MGMT: variants seen among roughly 807,000 people sequenced by gnomAD.
MGMT encodes the protein O-6-methylguanine-DNA methyltransferase.
Under a neutral mutation model 15.9 loss-of-function variants are expected in MGMT, and 14 were observed. The ratio of observed to expected loss-of-function variants is 0.88; its 90% CI spans 0.58 to 1.37. MGMT has a LOEUF of 1.37. Ranked by LOEUF, MGMT falls within the 40% of genes most tolerant of loss-of-function variation. The probability of loss-of-function intolerance (pLI) is 0.00; values close to 1 mark genes in which losing one functional copy is unlikely to be tolerated. For missense variants in MGMT, 282 were observed against 268.1 expected, an observed-to-expected ratio of 1.05 and a Z score of -0.36; for synonymous variants, 130 against 118.2, an observed-to-expected ratio of 1.10 and a Z score of -0.65.
chr10:129,712,885 G>A (rs148209140), intron 3 of MGMT, among the ~76,000 whole-genome samples: 4 of 152,294 alleles, frequency 2.6e-5, no homozygotes, highest in African/African-American at 9.6e-5. Context: ...TGCCCAAGTA[G>A]ATGGCCTCCC....
chr10:129,624,520 C>T (rs1847124739), intron 2 of MGMT, among the ~76,000 whole-genome samples: 1 of 152,186 alleles, frequency 6.6e-6, no homozygotes, highest in Admixed American at 6.5e-5. Context: ...AGATTGTAAT[C>T]TCTACATCCC....
chr10:129,529,986 G>C (rs1348499188), intron 1 of MGMT, among the ~76,000 whole-genome samples: 2 of 151,802 alleles, frequency 1.3e-5, no homozygotes, highest in African/African-American at 4.8e-5. Flanking sequence ...CTGCAGCCTC[G>C]ACCTCCTGGG....
chr10:129,765,258 CT>C (rs1368252474), intron 4 of MGMT, among the ~76,000 whole-genome samples: 53 of 152,188 alleles, frequency 3.5e-4, no homozygotes, highest in Non-Finnish European at 3.1e-4. Flanking sequence ...CCAGCCAATT[CT>C]TTCTTTAGAA....
intron 3 of MGMT, among the ~76,000 whole-genome samples, chr10:129,714,537 T>C (rs1414896930): frequency 1.3e-5 from 2 of 152,192 alleles, no homozygotes; most frequent in African/African-American, 4.8e-5. Context: ...TTTATAATAT[T>C]CTACCTATAA....
chr10:129,646,754 A>ATATATTTTTTTTTTTTTTTTTTTTTTT lies in MGMT; in HGVS notation c.126-61140_126-61139insATATTTTTTTTTTTTTTTTTTTTTTTT. On this transcript the variant is annotated intron_variant, in intron 2 of 4. Coordinates refer to ENST00000651593, the MANE Select transcript of MGMT (RefSeq NM_002412.5). Reference sequence around the variant, plus strand: ...TATATATATATATATATATATATATATTTTCAGGGAATGGTAGAGAACAGT... The same window carrying ATATATTTTTTTTTTTTTTTTTTTTTTT: ...TATATATATATATATATATATATATATATATTTTTTTTTTTTTTTTTTTTTTTTTTTCAGGGAATGGTAGAGAACAGT... Among the ~76,000 whole-genome samples, 4 of 86,674 alleles carry ATATATTTTTTTTTTTTTTTTTTTTTTT rather than the reference A, an allele frequency of 4.6e-5. 1 individual carries two copies. Among genetic ancestry groups the ATATATTTTTTTTTTTTTTTTTTTTTTT allele is most frequent in the Non-Finnish European group, 1.0e-4 (4 of 38,932 alleles). 56.9% of individuals were successfully genotyped at this position (86,674 alleles called of 152,430 possible).
At chr10:129,493,881 G>A (rs116879063) in intron 1 of MGMT, among the ~76,000 whole-genome samples, 1,542 of 152,274 alleles carry the variant, frequency 0.01, 14 homozygotes, top group Non-Finnish European at 0.015. Flanking sequence ...TAGACATCAC[G>A]TGCACACTTA....
chr10:129,609,578 A>C (rs1013926813), intron 2 of MGMT, among the ~76,000 whole-genome samples: 2 of 152,224 alleles, frequency 1.3e-5, no homozygotes. Context: ...GGCATAACCC[A>C]CTTCTTTGCA....
At chr10:129,678,759 T>C (rs1847814574) in intron 2 of MGMT, among the ~76,000 whole-genome samples, 1 of 151,914 alleles carries the variant, frequency 6.6e-6, no homozygotes, top group South Asian at 2.1e-4. Context: ...CCAGTGCATG[T>C]GGTGCTAAGC....
chr10:129,502,785 A>AT (rs60631849), intron 1 of MGMT, among the ~76,000 whole-genome samples: 15,854 of 151,208 alleles, frequency 0.1, 1,000 homozygotes, highest in East Asian at 0.29. Flanking sequence ...ATCAAGTTAC[A>AT]TTTTTTTTTG....
chr10:129,735,671 C>T (rs1167324146), intron 3 of MGMT, among the ~76,000 whole-genome samples: 1 of 115,664 alleles, frequency 8.6e-6, no homozygotes, highest in Non-Finnish European at 1.8e-5. Context: ...AATTTTGGAT[C>T]TTTCCTGCTT....
chr10:129,742,790 A>T (rs1211445754), intron 3 of MGMT, among the ~76,000 whole-genome samples: 1 of 129,060 alleles, frequency 7.7e-6, no homozygotes, highest in African/African-American at 3.0e-5. Flanking sequence ...AGTGCCTCAC[A>T]ACTGCAACGG....
intron 2 of MGMT, among the ~76,000 whole-genome samples, chr10:129,648,411 TAATTC>T (rs1371187592): frequency 2.6e-5 from 4 of 152,218 alleles, no homozygotes; most frequent in Admixed American, 2.0e-4. Context: ...AATGAACCCA[TAATTC>T]AATTTTCAGA....
chr10:129,524,409 C>G (rs150158642), intron 1 of MGMT, among the ~76,000 whole-genome samples: 1 of 152,252 alleles, frequency 6.6e-6, no homozygotes, highest in South Asian at 2.1e-4. Context: ...ATGCACCGTG[C>G]GTGTACACCT....
intron 4 of MGMT, among the ~76,000 whole-genome samples, chr10:129,760,975 C>T (rs148385565): frequency 4.6e-5 from 7 of 152,242 alleles, no homozygotes; most frequent in East Asian, 3.9e-4. Context: ...TTTTACGGCG[C>T]GTTGGGGGAT....
At chr10:129,707,611 A>G (rs984224279) in intron 2 of MGMT, among the ~76,000 whole-genome samples, 7 of 152,300 alleles carry the variant, frequency 4.6e-5, no homozygotes, top group African/African-American at 1.7e-4. Context: ...CAGCCGTGCC[A>G]TCTGTAAGTC....
At chr10:129,641,929 G>A (rs1589909994) in intron 2 of MGMT, among the ~76,000 whole-genome samples, 1 of 152,326 alleles carries the variant, frequency 6.6e-6, no homozygotes, top group African/African-American at 2.4e-5. Flanking sequence ...AATATTAGAA[G>A]CATGTTCAAG....
chr10:129,748,114 G>T (rs1195771164), intron 3 of MGMT, among the ~76,000 whole-genome samples: 1 of 152,170 alleles, frequency 6.6e-6, no homozygotes, highest in Non-Finnish European at 1.5e-5. Context: ...AGAAGTTGCT[G>T]TACCTAACAC....
At chr10:129,722,101 A>G (rs1404357439) in intron 3 of MGMT, among the ~76,000 whole-genome samples, 2 of 152,182 alleles carry the variant, frequency 1.3e-5, no homozygotes, top group East Asian at 1.9e-4. Flanking sequence ...ACAGAAAGAT[A>G]TAAGTAAAAT....
At chr10:129,612,235 C>T (rs911044648) in intron 2 of MGMT, among the ~76,000 whole-genome samples, 1 of 152,262 alleles carries the variant, frequency 6.6e-6, no homozygotes, top group Non-Finnish European at 1.5e-5. Flanking sequence ...GATGCAAGTT[C>T]TTATTTGTGG....
Sources: allele counts gnomAD v4.1 joint callset (sites outside exome capture counted in the v4.1 genomes callset), GRCh38; gene constraint gnomAD v4.1.1; transcripts MANE v1.5; gene names NCBI Gene and HGNC (gene_info 2026-07-23, HGNC 2026-07-21).